ANKRD6: variants seen among roughly 807,000 people sequenced by gnomAD.
ANKRD6 encodes ankyrin repeat domain 6.
Under a neutral mutation model 82.3 loss-of-function variants are expected in ANKRD6, and 56 were observed. That is an observed-to-expected ratio of 0.68 (90% CI 0.55 to 0.85). The LOEUF is 0.85. ANKRD6 is among the 40% of genes least tolerant of loss of function. The pLI is 0.00. For synonymous variants in ANKRD6, 347 were observed against 352.1 expected, an observed-to-expected ratio of 0.99 and a Z score of 0.16; for missense variants, 852 against 907.6, an observed-to-expected ratio of 0.94 and a Z score of 0.79.
intron 1 of ANKRD6, among the ~76,000 whole-genome samples, chr6:89,438,944 A>G (rs545523841): frequency 7.8e-4 from 119 of 152,210 alleles, no homozygotes; most frequent in African/African-American, 2.7e-3. Flanking sequence ...CACCTGGCCT[A>G]TTTCTTACTT....
intron 5 of ANKRD6, among the ~76,000 whole-genome samples, chr6:89,609,005 C>T (rs1458286234): frequency 6.6e-6 from 1 of 152,206 alleles, no homozygotes; most frequent in Non-Finnish European, 1.5e-5. Flanking sequence ...GGCTCACTGG[C>T]CTGCTTCTCA....
intron 1 of ANKRD6, among the ~76,000 whole-genome samples, chr6:89,435,229 C>T (rs1770482750): frequency 6.6e-6 from 1 of 152,076 alleles, no homozygotes; most frequent in African/African-American, 2.4e-5. Flanking sequence ...CAGTATAAAC[C>T]TTAGAGTGCA....
At chr6:89,483,912 C>G (rs1375498919) in intron 1 of ANKRD6, among the ~76,000 whole-genome samples, 1 of 152,176 alleles carries the variant, frequency 6.6e-6, no homozygotes, top group Non-Finnish European at 1.5e-5. Context: ...CTCTGTCTCT[C>G]TCTCTCTCTC....
chr6:89,476,311 G>A (rs1208228855), intron 1 of ANKRD6, among the ~76,000 whole-genome samples: 2 of 151,806 alleles, frequency 1.3e-5, no homozygotes, highest in East Asian at 1.9e-4. Context: ...TCAGCCTCCC[G>A]AGTAGCTGGG....
chr6:89,605,920 C>T (rs932850963), intron 4 of ANKRD6, 87 bp from the exon 5 acceptor site: 18 of 911,034 alleles, frequency 2.0e-5, no homozygotes, highest in African/African-American at 3.3e-5. Flanking sequence ...TCTGGTGTTC[C>T]GTAAAAATCC....
At chr6:89,547,598 C>T (rs111560848) in intron 1 of ANKRD6, among the ~76,000 whole-genome samples, 1 of 152,090 alleles carries the variant, frequency 6.6e-6, no homozygotes, top group Non-Finnish European at 1.5e-5. Flanking sequence ...CTTGCCATCC[C>T]CTCAGTATTA....
intron 1 of ANKRD6, among the ~76,000 whole-genome samples, chr6:89,490,902 G>A (rs867103262): frequency 1.3e-5 from 2 of 152,240 alleles, no homozygotes; most frequent in South Asian, 2.1e-4. Context: ...TTAAAAAAAG[G>A]TTTTGCAGAT....
intron 1 of ANKRD6, among the ~76,000 whole-genome samples, chr6:89,455,870 TTCTC>T (rs893523959): frequency 1.1e-4 from 16 of 151,986 alleles, no homozygotes; most frequent in African/African-American, 3.1e-4. Context: ...GGTATTTCTT[TTCTC>T]TCTCTCTCTT....
intron 1 of ANKRD6, among the ~76,000 whole-genome samples, chr6:89,539,741 CTT>C (rs570865099): frequency 9.8e-5 from 14 of 142,550 alleles, no homozygotes; most frequent in Admixed American, 1.4e-4. Flanking sequence ...AGGTCTTATT[CTT>C]TTTTTTTTTT....
At chr6:89,481,783 T>C (rs55839671) in intron 1 of ANKRD6, among the ~76,000 whole-genome samples, 9,091 of 152,196 alleles carry the variant, frequency 0.06, 292 homozygotes, top group South Asian at 0.14. Context: ...GGTGGTACTA[T>C]TGGCAGTGCT....
chr6:89,442,459 T>TA (rs34314408), intron 1 of ANKRD6, among the ~76,000 whole-genome samples: 138 of 142,302 alleles, frequency 9.7e-4, no homozygotes, highest in African/African-American at 9.5e-4. Flanking sequence ...GCCCATCTAT[T>TA]AAAAAAAAAA....
intron 1 of ANKRD6, among the ~76,000 whole-genome samples, chr6:89,499,284 C>G (rs150065005): frequency 6.6e-6 from 1 of 152,334 alleles, no homozygotes; most frequent in East Asian, 1.9e-4. Flanking sequence ...CTGTCACCAA[C>G]TGTAGACTGC....
chr6:89,587,319 T>G (rs1793954891), intron 2 of ANKRD6, among the ~76,000 whole-genome samples: 1 of 151,978 alleles, frequency 6.6e-6, no homozygotes, highest in Admixed American at 6.6e-5. Context: ...TGAAACCCTG[T>G]CTCTACTAAA....
chr6:89,614,002 A>G (rs1800877291), intron 7 of ANKRD6, 112 bp downstream of exon 7: 6 of 1,050,370 alleles, frequency 5.7e-6, no homozygotes, highest in Non-Finnish European at 8.2e-6. Flanking sequence ...CATGTCACCT[A>G]CCTGGGACTC....
At chr6:89,507,722 A>G (rs1436567948) in intron 1 of ANKRD6, among the ~76,000 whole-genome samples, 2 of 152,222 alleles carry the variant, frequency 1.3e-5, no homozygotes, top group Non-Finnish European at 2.9e-5. Flanking sequence ...GTCTATTTCA[A>G]AATTGGGAGT....
intron 1 of ANKRD6, among the ~76,000 whole-genome samples, chr6:89,540,086 A>G (rs1784294438): frequency 6.6e-6 from 1 of 152,136 alleles, no homozygotes; most frequent in South Asian, 2.1e-4. Flanking sequence ...CAGTGCTGCA[A>G]CAAGCATAGG....
In ANKRD6 at chr6:89,486,370, C is replaced by T. The variant is rs541626336; in HGVS notation, c.-144+52995C>T. On this transcript the variant is annotated intron_variant, in intron 1 of 15. Transcript: ENST00000339746. ...ATATAAATAAAAATATATATACCAT[C>T]TAGGTTTATGTAAGTACACTCTATG... 3.9e-5 allele frequency among the ~76,000 whole-genome samples: 6 copies of T among 152,098 alleles called. No individual in the cohort carries two copies. In the South Asian group the frequency reaches 6.2e-4, roughly 16 times the overall value.
chr6:89,588,330 A>G (rs1240164087), intron 2 of ANKRD6, among the ~76,000 whole-genome samples: 2 of 152,188 alleles, frequency 1.3e-5, no homozygotes, highest in Non-Finnish European at 2.9e-5. Context: ...TAATGTTACA[A>G]CTTTCTTGCC....
rs932896504 is a variant in ANKRD6 at position 89,504,403 on chromosome 6, G to T, written c.-143-62431G>T. Reference sequence around the variant, plus strand: ...GTAGGACAGTCTCTCTCTCGCTCTCGCTCGCGCTCTCGCTCTTTTAGACAG... The same window carrying T: ...GTAGGACAGTCTCTCTCTCGCTCTCTCTCGCGCTCTCGCTCTTTTAGACAG... On this transcript the variant is annotated intron_variant, in intron 1 of 15. Coordinates refer to ENST00000339746, the MANE Select transcript of ANKRD6 (RefSeq NM_001242809.2). Among the ~76,000 whole-genome samples, 122 of 137,604 alleles carry T rather than the reference G, an allele frequency of 8.9e-4. 1 individual carries two copies. Among genetic ancestry groups the T allele is most frequent in the South Asian group, 3.6e-3 (13 of 3,598 alleles). The allele number at this position is 137,604 out of a possible 152,430, so 90.3% of individuals were successfully genotyped here.
Sources: allele counts gnomAD v4.1 joint callset (sites outside exome capture counted in the v4.1 genomes callset), GRCh38; gene constraint gnomAD v4.1.1; transcripts MANE v1.5; gene names NCBI Gene and HGNC (gene_info 2026-07-23, HGNC 2026-07-21).